Variants in TDRD5 observed in about 807,000 individuals in gnomAD.
TDRD5 encodes the protein tudor domain containing 5.
A neutral mutation model predicts 120.6 loss-of-function variants in TDRD5; 41 were observed. The ratio of observed to expected loss-of-function variants is 0.34; its 90% CI spans 0.26 to 0.44. The LOEUF (loss-of-function observed/expected upper bound fraction) is 0.44. Ranked by LOEUF, TDRD5 falls within the 20% of genes least tolerant of loss-of-function variation. The pLI, the probability that TDRD5 is intolerant of heterozygous loss-of-function variation, is 1.00. For synonymous variants in TDRD5, 430 were observed against 433.7 expected, an observed-to-expected ratio of 0.99 and a Z score of 0.11; for missense variants, 1,006 against 1,221.2, an observed-to-expected ratio of 0.82 and a Z score of 2.63.
chr1:179,639,423 T>G (rs1677923340), intron 9 of TDRD5, among the ~76,000 whole-genome samples: 1 of 152,204 alleles, frequency 6.6e-6, no homozygotes, highest in South Asian at 2.1e-4. Context: ...TAGAGAATTG[T>G]GTTTGAGAAA....
At chr1:179,671,883 G>T (rs1037892792) in intron 17 of TDRD5, among the ~76,000 whole-genome samples, 1 of 151,408 alleles carries the variant, frequency 6.6e-6, no homozygotes, top group African/African-American at 2.4e-5. Flanking sequence ...TAATAGTCTC[G>T]AATTCCATCC....
intron 14 of TDRD5, 72 bp downstream of exon 14, chr1:179,654,434 G>A (rs924017828): frequency 1.4e-6 from 2 of 1,388,742 alleles, no homozygotes; most frequent in Admixed American, 2.7e-5. Flanking sequence ...GAAGAGGACT[G>A]GAATAAACTC....
chr1:179,619,981 G>A (rs1676761484), intron 5 of TDRD5, among the ~76,000 whole-genome samples: 1 of 152,136 alleles, frequency 6.6e-6, no homozygotes, highest in Non-Finnish European at 1.5e-5. Flanking sequence ...ATCAATATTG[G>A]ATATTCTCCA....
At chr1:179,663,613 G>T in intron 16 of TDRD5, 122 bp downstream of exon 16, 1 of 1,316,436 alleles carries the variant, frequency 7.6e-7, no homozygotes, top group Non-Finnish European at 1.0e-6. Context: ...GCTTGCTGTA[G>T]CTGTTACTGT....
rs538004174 is a variant in TDRD5, at chr1:179,642,493, C to T, written c.1800+2048C>T. ...TATTCACAGTAATCTCACGATTGTC[C>T]TTCTTGTCATTCAAATTTAAGTCCA... On this transcript the variant is annotated intron_variant, in intron 11 of 17. Coordinates refer to ENST00000444136, the MANE Select transcript of TDRD5 (RefSeq NM_001199085.3). Among the ~76,000 whole-genome samples, 4 of 152,310 alleles carry T rather than the reference C, an allele frequency of 2.6e-5. No individual in the cohort carries two copies. The East Asian group carries it at 7.7e-4, about 29-fold the overall frequency.
intron 11 of TDRD5, among the ~76,000 whole-genome samples, chr1:179,650,419 A>G (rs866771447): frequency 1.3e-5 from 2 of 151,686 alleles, no homozygotes; most frequent in African/African-American, 2.4e-5. Flanking sequence ...AAAAAAAAAA[A>G]AAAAGTTCAA....
intron 4 of TDRD5, among the ~76,000 whole-genome samples, chr1:179,603,151 T>C (rs1403224549): frequency 6.6e-6 from 1 of 152,036 alleles, no homozygotes; most frequent in Non-Finnish European, 1.5e-5. Flanking sequence ...TGTGAAGGGG[T>C]TGAGTTCTTG....
At chr1:179,676,069 T>A (rs1680131912) in intron 17 of TDRD5, among the ~76,000 whole-genome samples, 1 of 152,238 alleles carries the variant, frequency 6.6e-6, no homozygotes, top group Non-Finnish European at 1.5e-5. Context: ...TTGCTATGTT[T>A]TCCTGTTGGA....
At chr1:179,597,319 C>G (rs988372197) in intron 4 of TDRD5, among the ~76,000 whole-genome samples, 1 of 143,444 alleles carries the variant, frequency 7.0e-6, no homozygotes, top group Admixed American at 7.2e-5. Flanking sequence ...ATTTTTCTTT[C>G]TTTTCTTTTT....
chr1:179,611,030 G>A (rs1023042), intron 4 of TDRD5, among the ~76,000 whole-genome samples: 29,256 of 151,324 alleles, frequency 0.19, 3,675 homozygotes, highest in Non-Finnish European at 0.28. Flanking sequence ...CACATTTCTC[G>A]AAATTGTATT....
At chr1:179,678,150 T>C (rs900872144) in intron 17 of TDRD5, among the ~76,000 whole-genome samples, 24 of 152,200 alleles carry the variant, frequency 1.6e-4, no homozygotes, top group African/African-American at 4.6e-4. Context: ...TGGCTGCCTC[T>C]GCTGAGTCAT....
intron 16 of TDRD5, among the ~76,000 whole-genome samples, chr1:179,668,104 G>C (rs559547827): frequency 1.3e-5 from 2 of 152,178 alleles, no homozygotes; most frequent in South Asian, 2.1e-4. Context: ...AATGACCATA[G>C]AGTACACTTA....
chr1:179,652,441 C>T (rs1678773841), intron 13 of TDRD5, among the ~76,000 whole-genome samples: 2 of 152,106 alleles, frequency 1.3e-5, no homozygotes, highest in South Asian at 2.1e-4. Flanking sequence ...CACTACACTG[C>T]CTCTGAATGC....
rs114905770 is a variant in TDRD5 at position 179,626,579 on chromosome 1, G to T, written c.973-4188G>T. ...TACTGATTTCTAGTTAATGCTGTAC[G>T]TGCTGGCCTATTTTGGGGTAAAGGC... On this transcript the variant is annotated intron_variant, in intron 6 of 17. Transcript: ENST00000444136. Among the ~76,000 whole-genome samples the T allele has an allele frequency of 2.2e-3, 336 of 152,274 alleles. 5 individuals carry two copies. Among genetic ancestry groups the T allele is most frequent in the African/African-American group, 7.6e-3 (316 of 41,552 alleles).
At chr1:179,631,317 G>T (rs145343488) in intron 7 of TDRD5, among the ~76,000 whole-genome samples, 5,770 of 152,238 alleles carry the variant, frequency 0.038, 173 homozygotes, top group East Asian at 0.11. Flanking sequence ...GCATGAACCC[G>T]GGAGGCGGAG....
At chr1:179,630,947 A>G in intron 7 of TDRD5, 27 bp downstream of exon 7, 1 of 1,591,526 alleles carries the variant, frequency 6.3e-7, no homozygotes, top group Non-Finnish European at 8.5e-7. Context: ...TATGATGCAA[A>G]CCTCATTTTT....
At chr1:179,608,571 G>C (rs1192426060) in intron 4 of TDRD5, among the ~76,000 whole-genome samples, 1 of 151,984 alleles carries the variant, frequency 6.6e-6, no homozygotes, top group Non-Finnish European at 1.5e-5. Flanking sequence ...TTTTCATTCA[G>C]ATGTTGCATT....
In TDRD5 at chr1:179,690,684, T is replaced by C. The variant is rs1333126677; in HGVS notation, c.2861-12T>C. 1.9e-6 allele frequency: 3 copies of C among 1,610,858 alleles called. No individual in the cohort carries two copies. Among genetic ancestry groups the C allele is most frequent in the South Asian group, 1.1e-5 (1 of 90,738 alleles). ...CCCTTGAAAAGATGTTTGTGTACTCTTTCTTTTCCAGTGGAAAGCTCACCA... is the reference window on the plus strand; with the variant it reads ...CCCTTGAAAAGATGTTTGTGTACTCCTTCTTTTCCAGTGGAAAGCTCACCA... On this transcript the variant is annotated splice_polypyrimidine_tract_variant and intron_variant, in intron 17 of 17. Coordinates refer to ENST00000444136, the MANE Select transcript of TDRD5 (RefSeq NM_001199085.3).
intron 11 of TDRD5, among the ~76,000 whole-genome samples, chr1:179,641,828 T>C (rs1678065753): frequency 6.6e-6 from 1 of 152,178 alleles, no homozygotes; most frequent in Non-Finnish European, 1.5e-5. Flanking sequence ...TGCTTAACCG[T>C]TTCTTTATTG....
Sources: gnomAD v4.1 joint callset for allele counts (sites outside exome capture counted in the v4.1 genomes callset) on GRCh38, gnomAD v4.1.1 for gene constraint, MANE v1.5 for transcripts, NCBI Gene and HGNC (gene_info 2026-07-23, HGNC 2026-07-21) for gene names.